The following DBNL variants were observed in gnomAD, a reference collection of about 807,000 sequenced individuals.
The protein encoded by DBNL is drebrin like, also known as drebrin-like protein.
Under a neutral mutation model 62.2 loss-of-function variants are expected in DBNL, and 35 were observed. That is an observed-to-expected ratio of 0.56 (90% CI 0.43 to 0.75). The LOEUF (loss-of-function observed/expected upper bound fraction) is 0.75. Among genes scored for constraint, DBNL ranks in the 30% least tolerant of loss-of-function variants. The probability of loss-of-function intolerance (pLI) is 0.00; values close to 1 mark genes in which losing one functional copy is unlikely to be tolerated. For synonymous variants in DBNL, 197 were observed against 218.0 expected (o/e 0.90, Z 0.85); for missense variants, 495 against 578.4 (o/e 0.86, Z 1.48).
chr7:44,051,939 C>T lies in DBNL; in HGVS notation c.249C>T (p.Asn83=). 1 of 1,614,072 alleles carries T rather than the reference C, an allele frequency of 6.2e-7. No homozygotes were observed. ...GACTGCCCAAATTTGTCCTCATCAACTGGGTATGTGGAGCCTGTTTCATCT... is the reference window on the plus strand; with the variant it reads ...GACTGCCCAAATTTGTCCTCATCAATTGGGTATGTGGAGCCTGTTTCATCT... The part of the protein sequence containing the change: ...NSGLPKFVLI[N]WTGEGVNDVR... The change falls in exon 3 of 13, where the codon AAC becomes AAT. Residue 83 remains asparagine, a synonymous_variant. Transcript: ENST00000448521.
Position 44,060,230 on chromosome 7 carries a change from G to A in DBNL, c.1153+77G>A, listed in dbSNP as rs2096146072. 7.5e-7 allele frequency: 1 copy of A among 1,340,016 alleles called. No individual in the cohort carries two copies. Among genetic ancestry groups the A allele is most frequent in the Admixed American group, 2.0e-5 (1 of 50,000 alleles). 83.0% of individuals were successfully genotyped at this position (1,340,016 alleles called of 1,614,324 possible). On this transcript the variant is annotated intron_variant, in intron 12 of 12. Transcript: ENST00000448521. The surrounding 1 kb of genome is among the most constrained non-coding windows in gnomAD (Gnocchi z 6.3). The stretch of plus-strand genomic sequence containing the variant: ...GACAAGAGGGTCTGGGGTTTTATGG[G>A]AAGATGGCACCAGGGGGTATCAGGA...
rs969352844 is a variant in DBNL at position 44,060,851 on chromosome 7, C to T, written c.1228C>T (p.Arg410Cys). ...GIEVIDEGWW[R>C]GYGPDGHFGM... ...CGAGGTGATCGACGAAGGCTGGTGG[C>T]GTGGCTATGGGCCGGATGGCCATTT... The change falls in exon 13 of 13, where the codon CGT becomes TGT. Residue 410 changes from arginine (R) to cysteine (C), a missense_variant. Transcript: ENST00000448521. The surrounding 1 kb of genome is among the most constrained non-coding windows in gnomAD (Gnocchi z 6.3). The T allele has an allele frequency of 1.1e-5, 17 of 1,614,068 alleles. No homozygotes were observed. The highest frequency in any genetic ancestry group is 6.6e-5 in the South Asian group (6 of 91,076).
At chr7:44,050,443 C>T in intron 2 of DBNL, 163 bp downstream of exon 2, 1 of 641,176 alleles carries the variant, frequency 1.6e-6, no homozygotes, top group Admixed American at 2.7e-5. Flanking sequence ...TAAGTGAAAA[C>T]ATTCCTCCTT....
At chr7:44,048,589 A>G (rs1375808726) in intron 1 of DBNL, among the ~76,000 whole-genome samples, 1 of 152,172 alleles carries the variant, frequency 6.6e-6, no homozygotes, top group Non-Finnish European at 1.5e-5. Context: ...GCCCAGTGGC[A>G]CTGGCAAAGC....
chr7:44,057,979 A>G, intron 6 of DBNL, 120 bp downstream of exon 6: 2 of 1,537,070 alleles, frequency 1.3e-6, no homozygotes, highest in Non-Finnish European at 8.8e-7. Flanking sequence ...ACAGATGGTC[A>G]CACTGAGGCT....
At chr7:44,051,751 C>A in intron 2 of DBNL, 79 bp from the exon 3 acceptor site, 1 of 1,351,350 alleles carries the variant, frequency 7.4e-7, no homozygotes, top group South Asian at 1.2e-5. Flanking sequence ...AGAAGCAGCT[C>A]GGCCTCCCTT....
chr7:44,060,861 G>A lies in DBNL; in HGVS notation c.1238G>A (p.Gly413Glu), dbSNP rs1473906674. Residue 413 changes from glycine to glutamate, a missense_variant, in exon 13 of 13, where the codon GGG (glycine) becomes GAG (glutamate). Physicochemically the swap from Gly to Glu is moderately conservative, Grantham distance 98. Transcript: ENST00000448521. This position sits in a 1 kb window ranked among gnomAD's most constrained non-coding sequence, Gnocchi z 6.3. ...VIDEGWWRGY[G>E]PDGHFGMFPA... ...GACGAAGGCTGGTGGCGTGGCTATGGGCCGGATGGCCATTTTGGCATGTTC... is the reference window on the plus strand; with the variant it reads ...GACGAAGGCTGGTGGCGTGGCTATGAGCCGGATGGCCATTTTGGCATGTTC... 1 of 1,613,946 alleles carries A rather than the reference G, an allele frequency of 6.2e-7. No homozygotes were observed. Among genetic ancestry groups the A allele is most frequent in the Non-Finnish European group, 8.5e-7 (1 of 1,179,988 alleles).
At chr7:44,057,428 G>C (rs1270258720) in intron 5 of DBNL, among the ~76,000 whole-genome samples, 1 of 152,186 alleles carries the variant, frequency 6.6e-6, no homozygotes, top group African/African-American at 2.4e-5. Context: ...CTGTCTGAGT[G>C]CCCCTGGTCA....
intron 1 of DBNL, among the ~76,000 whole-genome samples, chr7:44,046,465 G>A (rs1251704395): frequency 6.6e-6 from 1 of 152,072 alleles, no homozygotes; most frequent in South Asian, 2.1e-4. Flanking sequence ...GGCTGCTTAC[G>A]AGAGCTGTCT....
Position 44,052,915 on chromosome 7 carries a change from G to T in DBNL, c.301G>T (p.Val101Phe). 8 of 1,613,700 alleles carry T rather than the reference G, an allele frequency of 5.0e-6. No homozygotes were observed. Among genetic ancestry groups the T allele is most frequent in the Non-Finnish European group, 6.8e-6 (8 of 1,180,004 alleles). ...GCGGAAGGGAGCCTGTGCCAGCCAC[G>T]TCAGCACCATGGCCAGCTTCCTGAA... is the stretch of plus-strand genomic sequence containing the variant. ...DVRKGACASH[V>F]STMASFLKGA... The change falls in exon 4 of 13, where the codon GTC becomes TTC. Residue 101 changes from valine (V) to phenylalanine (F), a missense_variant. By Grantham distance (50) the Val-to-Phe change is conservative. Coordinates refer to ENST00000448521, the MANE Select transcript of DBNL (RefSeq NM_001014436.3).
At chr7:44,058,353 AG>A (rs1276313147) in intron 7 of DBNL, 73 bp downstream of exon 7, 2 of 1,607,170 alleles carry the variant, frequency 1.2e-6, no homozygotes, top group African/African-American at 2.7e-5. Context: ...CATCCCATGG[AG>A]GCGAGGAGGA....
chr7:44,054,385 G>A (rs1458123242), intron 4 of DBNL, among the ~76,000 whole-genome samples: 1 of 152,092 alleles, frequency 6.6e-6, no homozygotes, highest in Non-Finnish European at 1.5e-5. Context: ...TAGAGATGGT[G>A]TTTCCCTGTG....
chr7:44,064,797 A>ACCC lies in DBNL; in HGVS notation c.*3882_*3884dup. Reference sequence around the variant, plus strand: ...GAGAAGCCAGCTGGGGCTGCTGCCCACCCACCCTGCCCAGGCTCCTGAAGG... The same window carrying ACCC: ...GAGAAGCCAGCTGGGGCTGCTGCCCACCCCCCACCCTGCCCAGGCTCCTGAAGG... On this transcript the variant is annotated 3_prime_UTR_variant, in exon 13 of 13. Transcript: ENST00000448521. The ACCC allele has an allele frequency of 1.6e-6, 1 of 633,304 alleles. No homozygotes were observed. Among genetic ancestry groups the ACCC allele is most frequent in the Non-Finnish European group, 2.8e-6 (1 of 361,382 alleles). 39.2% of individuals were successfully genotyped at this position (633,304 alleles called of 1,614,324 possible). A position where few individuals can be genotyped will look rare whatever the true frequency, so the allele number is the denominator to read the frequency against.
Position 44,060,214 on chromosome 7 carries a change from G to T in DBNL, c.1153+61G>T, listed in dbSNP as rs372722524. 43 of 1,491,000 alleles carry T rather than the reference G, an allele frequency of 2.9e-5. No individual in the cohort carries two copies. In the African/African-American group the frequency reaches 5.0e-4, roughly 17 times the overall value. The allele number at this position is 1,491,000 out of a possible 1,614,324, so 92.4% of individuals were successfully genotyped here. A position where few individuals can be genotyped will look rare whatever the true frequency, so the allele number is the denominator to read the frequency against. On this transcript the variant is annotated intron_variant, in intron 12 of 12. Transcript: ENST00000448521. This position sits in a 1 kb window ranked among gnomAD's most constrained non-coding sequence, Gnocchi z 6.3. ...GGTCCTGAGGTTAGGAGACAAGAGGGTCTGGGGTTTTATGGGAAGATGGCA... is the reference window on the plus strand; with the variant it reads ...GGTCCTGAGGTTAGGAGACAAGAGGTTCTGGGGTTTTATGGGAAGATGGCA...
chr7:44,053,261 A>G (rs2096129762), intron 4 of DBNL, among the ~76,000 whole-genome samples: 1 of 152,184 alleles, frequency 6.6e-6, no homozygotes, highest in South Asian at 2.1e-4. Context: ...ACAGTTTAGT[A>G]ATACCGTCAG....
chr7:44,051,823 G>A lies in DBNL; in HGVS notation c.140-7G>A. The A allele has an allele frequency of 6.2e-7, 1 of 1,613,882 alleles. No individual in the cohort carries two copies. Among genetic ancestry groups the A allele is most frequent in the Non-Finnish European group, 8.5e-7 (1 of 1,179,840 alleles). On this transcript the variant is annotated splice_region_variant and splice_polypyrimidine_tract_variant and intron_variant, in intron 2 of 12. Coordinates refer to ENST00000448521, the MANE Select transcript of DBNL (RefSeq NM_001014436.3). ...CACCCCTGACCTTCACTGTGACTCT[G>A]CTGCAGAGGGTGGCCTGGAGGAGAT...
In DBNL at chr7:44,064,596, C is replaced by T. The variant is rs574236588; in HGVS notation, c.*3680C>T. The T allele has an allele frequency of 2.4e-4, 137 of 566,560 alleles. 1 individual carries two copies. The highest frequency in any genetic ancestry group is 2.2e-3 in the South Asian group (108 of 50,060). 35.1% of individuals were successfully genotyped at this position (566,560 alleles called of 1,614,324 possible). The stretch of plus-strand genomic sequence containing the variant: ...GCCACCTTTGGAGCCTGCCCCACCT[C>T]GGGACACAGCGAGCTTCGAGTGCAG... On this transcript the variant is annotated 3_prime_UTR_variant, in exon 13 of 13. Coordinates refer to ENST00000448521, the MANE Select transcript of DBNL (RefSeq NM_001014436.3).
rs892256808 is a variant in DBNL at position 44,052,043 on chromosome 7, CT to C, written c.252+103del. The C allele has an allele frequency of 4.2e-6, 4 of 943,230 alleles. No homozygotes were observed. The African/African-American group carries it at 4.9e-5, about 11-fold the overall frequency. The allele number at this position is 943,230 out of a possible 1,614,324, so 58.4% of individuals were successfully genotyped here. A position where few individuals can be genotyped will look rare whatever the true frequency, so the allele number is the denominator to read the frequency against. The stretch of plus-strand genomic sequence containing the variant: ...GGAACAAAGTGTTTTACTGGCATGA[CT>C]TAGTAGATCAATAGAACAGCTCTGA... On this transcript the variant is annotated intron_variant, in intron 3 of 12. Transcript: ENST00000448521.
rs1385755644 is a variant in DBNL at position 44,056,745 on chromosome 7, C to T, written c.328-12C>T. On this transcript the variant is annotated splice_polypyrimidine_tract_variant and intron_variant, in intron 4 of 12. Transcript: ENST00000448521. ...TGCAAAGCCCTTCTTTCAAGTGCTG[C>T]TCCTGCTGCAGGGGGCCCATGTGAC... 6.2e-7 allele frequency: 1 copy of T among 1,613,788 alleles called. No individual in the cohort carries two copies.
Sources: allele counts gnomAD v4.1 joint callset (sites outside exome capture counted in the v4.1 genomes callset), GRCh38; gene constraint gnomAD v4.1.1; non-coding constraint Gnocchi (gnomAD v3.1); transcripts MANE v1.5; gene names NCBI Gene and HGNC (gene_info 2026-07-23, HGNC 2026-07-21).